NFAT5: variants seen among roughly 807,000 people sequenced by gnomAD.
NFAT5 encodes nuclear factor of activated T-cells 5.
NFAT5 carries 31 observed loss-of-function variants against 166.5 expected under a neutral mutation model. The ratio of observed to expected loss-of-function variants is 0.19; its 90% CI spans 0.14 to 0.25. The LOEUF is 0.25. Among genes scored for constraint, NFAT5 ranks in the 10% least tolerant of loss-of-function variants. NFAT5 has a pLI of 1.00. For missense variants in NFAT5, 1,449 were observed against 1,821.8 expected (o/e 0.80, Z 3.72); for synonymous variants, 612 against 639.7 (o/e 0.96, Z 0.65).
chr16:69,633,978 T>A (rs1305742047), intron 3 of NFAT5, among the ~76,000 whole-genome samples: 1 of 151,970 alleles, frequency 6.6e-6, no homozygotes, highest in African/African-American at 2.4e-5. Flanking sequence ...AAAAATAAAA[T>A]TAAAAAAATC....
intron 3 of NFAT5, among the ~76,000 whole-genome samples, chr16:69,645,958 T>A (rs2035422068): frequency 6.6e-6 from 1 of 152,196 alleles, no homozygotes; most frequent in South Asian, 2.1e-4. Flanking sequence ...TCTACTTAAA[T>A]CTTTCTTGCT....
chr16:69,627,347 T>TTTTGA (rs2034512364), intron 3 of NFAT5, among the ~76,000 whole-genome samples: 1 of 1,610 alleles, frequency 6.2e-4, no homozygotes, highest in Non-Finnish European at 1.6e-3. Flanking sequence ...TATATATATA[T>TTTTGA]ATATATATAT....
chr16:69,642,843 A>C (rs1170807689), intron 3 of NFAT5, among the ~76,000 whole-genome samples: 1 of 152,006 alleles, frequency 6.6e-6, no homozygotes, highest in East Asian at 1.9e-4. Flanking sequence ...AAGAAAAGAA[A>C]AAGGAAAAAA....
chr16:69,695,513 T>C (rs987447561), intron 14 of NFAT5, 134 bp downstream of exon 14: 10 of 668,984 alleles, frequency 1.5e-5, no homozygotes, highest in Non-Finnish European at 2.6e-5. Context: ...TTACTCTGAA[T>C]AAAATTATTC....
At position 69,693,397 on chromosome 16, in the gene NFAT5, C is replaced by T. The variant is rs767952425; in HGVS notation, c.3572C>T (p.Thr1191Ile). ...APNSISPLQS[T>I]SNSEQQAAFQ... ...AACTCAATTTCTCCACTTCAGTCAA[C>T]ATCAAACAGTGAACAACAAGCTGCT... The change falls in exon 13 of 15, where the codon ACA becomes ATA. Residue 1191 changes from threonine to isoleucine, a missense_variant. This residue lies in a region of NFAT5 where 891 missense variants were observed against 993.0 expected (regional missense o/e 0.90). Transcript: ENST00000349945. 1.9e-6 allele frequency: 3 copies of T among 1,614,226 alleles called. No homozygotes were observed. In the East Asian group the frequency reaches 6.7e-5, roughly 36 times the overall value.
chr16:69,611,875 A>G (rs1303373984), intron 2 of NFAT5, among the ~76,000 whole-genome samples: 2 of 152,258 alleles, frequency 1.3e-5, no homozygotes, highest in African/African-American at 4.8e-5. Context: ...GCCCATTAGA[A>G]TGGAAGGTCC....
In NFAT5 at chr16:69,626,540, ATTTTACTTTAT is replaced by A; in HGVS notation, c.253+14_253+24del. On this transcript the variant is annotated intron_variant, in intron 3 of 14. Transcript: ENST00000349945. ...TGTTGTTGCTGCTGGTATGCATTTC[ATTTTACTTTAT>A]TAAAGAAAACTAGGGCCAATATAAA... is the stretch of plus-strand genomic sequence containing the variant. 6.6e-7 allele frequency: 1 copy of A among 1,522,858 alleles called. No individual in the cohort carries two copies. The allele number at this position is 1,522,858 out of a possible 1,614,324, so 94.3% of individuals were successfully genotyped here. A position where few individuals can be genotyped will look rare whatever the true frequency, so the allele number is the denominator to read the frequency against.
intron 7 of NFAT5, among the ~76,000 whole-genome samples, chr16:69,667,731 A>G (rs1453894737): frequency 6.6e-6 from 1 of 151,282 alleles, no homozygotes; most frequent in Non-Finnish European, 1.5e-5. Flanking sequence ...TCATTTTGGT[A>G]ATACAATATA....
intron 2 of NFAT5, among the ~76,000 whole-genome samples, chr16:69,589,710 A>G (rs920904018): frequency 6.6e-6 from 1 of 151,948 alleles, no homozygotes; most frequent in Non-Finnish European, 1.5e-5. Flanking sequence ...TCAACCCAAG[A>G]ATTTTAAAAA....
intron 3 of NFAT5, among the ~76,000 whole-genome samples, chr16:69,644,392 A>G (rs1453322983): frequency 6.6e-6 from 1 of 152,214 alleles, no homozygotes; most frequent in African/African-American, 2.4e-5. Context: ...TTTTTCTATT[A>G]AAAGATGGTT....
Position 69,692,603 on chromosome 16 carries a change from T to C in NFAT5, c.2778T>C (p.Ala926=). 6.2e-7 allele frequency: 1 copy of C among 1,614,274 alleles called. No individual in the cohort carries two copies. The highest frequency in any genetic ancestry group is 8.5e-7 in the Non-Finnish European group (1 of 1,180,054). The change falls in exon 13 of 15, where the codon GCT becomes GCC. Residue 926 remains alanine, a synonymous_variant. Coordinates refer to ENST00000349945, the MANE Select transcript of NFAT5 (RefSeq NM_138713.4). ...TGCAACAGAGTATCTGCCAGGCAGC[T>C]GCCCAGATTCAGTCAGAGTTATTCC... is the stretch of plus-strand genomic sequence containing the variant. ...MEMQQSICQA[A]AQIQSELFPS...
Position 69,667,704 on chromosome 16 carries a change from G to A in NFAT5, c.1370-2273G>A, listed in dbSNP as rs72783114. Among the ~76,000 whole-genome samples the A allele has an allele frequency of 1.8e-3, 274 of 152,108 alleles. 2 individuals are homozygous for A. Among genetic ancestry groups the A allele is most frequent in the Middle Eastern group, 3.4e-3 (1 of 294 alleles). On this transcript the variant is annotated intron_variant, in intron 7 of 14. Coordinates refer to ENST00000349945, the MANE Select transcript of NFAT5 (RefSeq NM_138713.4). ...ACAGTATTTGAAAATGGAGGGAAAG[G>A]TTATATGCTTTACGTTTCATTTTGG...
intron 5 of NFAT5, 149 bp from the exon 6 acceptor site, chr16:69,655,460 A>T: frequency 1.9e-6 from 1 of 532,904 alleles, no homozygotes; most frequent in Non-Finnish European, 3.0e-6. Context: ...CTTTTATGAA[A>T]ATGTTTTATC....
At chr16:69,629,800 G>A (rs1181836755) in intron 3 of NFAT5, among the ~76,000 whole-genome samples, 12 of 138,832 alleles carry the variant, frequency 8.6e-5, no homozygotes, top group African/African-American at 2.7e-4. Context: ...TTAAGAGACA[G>A]GGTCTGTCAC....
intron 9 of NFAT5, among the ~76,000 whole-genome samples, chr16:69,671,707 A>T (rs1228682036): frequency 6.6e-6 from 1 of 152,186 alleles, no homozygotes; most frequent in Non-Finnish European, 1.5e-5. Flanking sequence ...CAGAAATCAG[A>T]ATCAGCTAAA....
chr16:69,612,939 A>G (rs2033771695), intron 2 of NFAT5, among the ~76,000 whole-genome samples: 1 of 151,870 alleles, frequency 6.6e-6, no homozygotes, highest in Non-Finnish European at 1.5e-5. Context: ...CTATTTGTTT[A>G]GTAACATCAA....
chr16:69,664,145 A>T (rs943801747), intron 7 of NFAT5, among the ~76,000 whole-genome samples: 1 of 152,200 alleles, frequency 6.6e-6, no homozygotes, highest in African/African-American at 2.4e-5. Context: ...ACATAGTCAG[A>T]TGTAGGCTTT....
chr16:69,624,591 GCTTT>G (rs2151577586), intron 2 of NFAT5, among the ~76,000 whole-genome samples: 1 of 152,222 alleles, frequency 6.6e-6, no homozygotes, highest in East Asian at 1.9e-4. Flanking sequence ...TCTAATTTTA[GCTTT>G]CTTTCATGAC....
chr16:69,663,348 C>A lies in NFAT5; in HGVS notation c.1369+3449C>A, dbSNP rs74586529. On this transcript the variant is annotated intron_variant, in intron 7 of 14. Coordinates refer to ENST00000349945, the MANE Select transcript of NFAT5 (RefSeq NM_138713.4). The stretch of plus-strand genomic sequence containing the variant: ...AGATCATCCCTTTTTACATTCTTAA[C>A]ATCTTTCATGTTCTCCAGACAATAT... 5.1e-4 allele frequency among the ~76,000 whole-genome samples: 77 copies of A among 152,222 alleles called. No homozygotes were observed. The East Asian group carries it at 0.011, about 21-fold the overall frequency.
Sources: gnomAD v4.1 joint callset for allele counts (sites outside exome capture counted in the v4.1 genomes callset) on GRCh38, gnomAD v4.1.1 for gene constraint, gnomAD v4.1.1 regional missense constraint, MANE v1.5 for transcripts, NCBI Gene and HGNC (gene_info 2026-07-23, HGNC 2026-07-21) for gene names.